MIOS: variants seen among roughly 807,000 people sequenced by gnomAD.
MIOS encodes meiosis regulator for oocyte development.
Under a neutral mutation model 96.9 loss-of-function variants are expected in MIOS, and 52 were observed. That is an observed-to-expected ratio of 0.54 (90% CI 0.43 to 0.68). The LOEUF (loss-of-function observed/expected upper bound fraction) is 0.68. Ranked by LOEUF, MIOS falls within the 30% of genes least tolerant of loss-of-function variation. MIOS has a pLI of 0.00. For missense variants in MIOS, 1,005 were observed against 1,052.8 expected (o/e 0.95, Z 0.63); for synonymous variants, 397 against 359.5 (o/e 1.10, Z -1.18).
intron 3 of MIOS, among the ~76,000 whole-genome samples, chr7:7,570,938 A>G (rs963916468): frequency 6.6e-6 from 1 of 152,192 alleles, no homozygotes; most frequent in African/African-American, 2.4e-5. Context: ...GGTCTAAATT[A>G]TATGAGTCTA....
chr7:7,603,960 G>A (rs186767092), intron 11 of MIOS, among the ~76,000 whole-genome samples: 9 of 151,916 alleles, frequency 5.9e-5, no homozygotes, highest in African/African-American at 2.2e-4. Flanking sequence ...ACTATCGCAA[G>A]GACAAAAATC....
chr7:7,588,474 C>G, intron 7 of MIOS, 24 bp from the exon 8 acceptor site: 1 of 1,535,358 alleles, frequency 6.5e-7, no homozygotes, highest in Non-Finnish European at 8.8e-7. Context: ...AGAAGTAACT[C>G]CTTGCTTTTT....
At chr7:7,575,244 C>T (rs544924545) in intron 5 of MIOS, among the ~76,000 whole-genome samples, 1 of 152,158 alleles carries the variant, frequency 6.6e-6, no homozygotes, top group South Asian at 2.1e-4. Flanking sequence ...CAGTACCATA[C>T]AAACAAAATA....
chr7:7,594,942 A>G (rs763009668), intron 9 of MIOS, 38 bp from the exon 10 acceptor site: 7 of 1,526,200 alleles, frequency 4.6e-6, no homozygotes, highest in South Asian at 1.2e-5. Context: ...TAGCCAGGAG[A>G]TTTTAAACAA....
chr7:7,586,535 C>T (rs1783892338), intron 7 of MIOS, among the ~76,000 whole-genome samples: 1 of 152,302 alleles, frequency 6.6e-6, no homozygotes, highest in Admixed American at 6.5e-5. Flanking sequence ...GAACTTTCTA[C>T]ACTGAAATTC....
intron 5 of MIOS, among the ~76,000 whole-genome samples, chr7:7,580,144 C>G (rs1326473787): frequency 6.6e-6 from 1 of 152,150 alleles, no homozygotes; most frequent in African/African-American, 2.4e-5. Flanking sequence ...CAGCCTCTAC[C>G]TGAAATTAAA....
intron 11 of MIOS, among the ~76,000 whole-genome samples, chr7:7,598,390 T>G (rs1447999638): frequency 6.6e-6 from 1 of 152,240 alleles, no homozygotes; most frequent in African/African-American, 2.4e-5. Context: ...GCTTAGCGAT[T>G]ATTTTTCCAT....
intron 11 of MIOS, among the ~76,000 whole-genome samples, chr7:7,601,262 A>T (rs2115492434): frequency 1.3e-5 from 2 of 152,254 alleles, no homozygotes; most frequent in South Asian, 4.1e-4. Flanking sequence ...CCCTTCAAAA[A>T]ATCAATGAAT....
chr7:7,574,033 C>A, intron 4 of MIOS, 65 bp from the exon 5 acceptor site: 1 of 1,316,206 alleles, frequency 7.6e-7, no homozygotes, highest in Non-Finnish European at 1.1e-6. Flanking sequence ...GGCTCCAAAT[C>A]AAAATAAATT....
chr7:7,605,486 A>T (rs1170982784), intron 11 of MIOS: 1 of 152,548 alleles, frequency 6.6e-6, no homozygotes. Flanking sequence ...ACAGAGACGG[A>T]GTTTCACCAT....
chr7:7,583,482 TTTAA>T, intron 6 of MIOS, 110 bp downstream of exon 6: 1 of 1,211,598 alleles, frequency 8.3e-7, no homozygotes, highest in Non-Finnish European at 1.1e-6. Context: ...CACTTAAAAT[TTTAA>T]TTTAATTTTT....
intron 6 of MIOS, among the ~76,000 whole-genome samples, chr7:7,585,415 C>G (rs866972545): frequency 7.7e-5 from 11 of 142,702 alleles, no homozygotes; most frequent in Admixed American, 4.9e-4. Context: ...CAAACCCCCC[C>G]CTTTTTTTTT....
In MIOS at chr7:7,583,175, A is replaced by G. The variant is rs750665084; in HGVS notation, c.1451A>G (p.Gln484Arg). The change falls in exon 6 of 13, where the codon CAA becomes CGA. Residue 484 changes from glutamine (Q) to arginine (R), a missense_variant. By Grantham distance (43) the Gln-to-Arg change is conservative. Around this residue, in one of 3 missense-constraint regions of MIOS, gnomAD observed 865 missense variants for 887.9 expected, o/e 0.97. Coordinates refer to ENST00000340080, the MANE Select transcript of MIOS (RefSeq NM_019005.4). ...WSGLDKQSDI[Q>R]NLNEERILAL... Reference sequence around the variant, plus strand: ...GGGTTGGATAAGCAAAGTGATATTCAAAATTTAAATGAAGAGAGAATCTTA... The same window carrying G: ...GGGTTGGATAAGCAAAGTGATATTCGAAATTTAAATGAAGAGAGAATCTTA... The G allele has an allele frequency of 1.2e-6, 2 of 1,614,164 alleles. No individual in the cohort carries two copies. Among genetic ancestry groups the G allele is most frequent in the Non-Finnish European group, 1.7e-6 (2 of 1,179,986 alleles).
At chr7:7,594,671 G>C (rs79820944) in intron 9 of MIOS, among the ~76,000 whole-genome samples, 1 of 152,066 alleles carries the variant, frequency 6.6e-6, no homozygotes, top group African/African-American at 2.4e-5. Context: ...AAGGGTATTC[G>C]TATCACTGTT....
rs548606732 is a variant in MIOS, at chr7:7,588,618, A to T, written c.1884+55A>T. On this transcript the variant is annotated intron_variant, in intron 8 of 12. Coordinates refer to ENST00000340080, the MANE Select transcript of MIOS (RefSeq NM_019005.4). ...GTAATTAATATGTACTGTCACAATT[A>T]TGTAAGAAACTAGTCTTTATAATTA... is the stretch of plus-strand genomic sequence containing the variant. The T allele has an allele frequency of 1.1e-5, 13 of 1,170,856 alleles. No individual in the cohort carries two copies. In the South Asian group the frequency reaches 1.4e-4, roughly 13 times the overall value. 72.5% of individuals were successfully genotyped at this position (1,170,856 alleles called of 1,614,324 possible).
chr7:7,591,532 G>A (rs1216138356), intron 9 of MIOS, among the ~76,000 whole-genome samples: 5 of 151,966 alleles, frequency 3.3e-5, no homozygotes, highest in East Asian at 3.9e-4. Flanking sequence ...TGCCCGCCCC[G>A]GCCTCCGAAA....
chr7:7,582,055 A>C, intron 5 of MIOS, among the ~76,000 whole-genome samples: 1 of 152,142 alleles, frequency 6.6e-6, no homozygotes, highest in Non-Finnish European at 1.5e-5. Context: ...GCCGTTTTTA[A>C]CAGTTCTGCC....
intron 5 of MIOS, among the ~76,000 whole-genome samples, chr7:7,578,462 C>T (rs28602361): frequency 0.029 from 4,374 of 152,116 alleles, 207 homozygotes; most frequent in African/African-American, 0.099. Context: ...GAGTTTGAAA[C>T]CAGTCTGGGT....
At chr7:7,601,051 G>C (rs1317838823) in intron 11 of MIOS, among the ~76,000 whole-genome samples, 1 of 117,082 alleles carries the variant, frequency 8.5e-6, no homozygotes, top group African/African-American at 2.9e-5. Flanking sequence ...CAGAATCTCT[G>C]GGACACATTC....
Sources: gnomAD v4.1 joint callset for allele counts (sites outside exome capture counted in the v4.1 genomes callset) on GRCh38, gnomAD v4.1.1 for gene constraint, gnomAD v4.1.1 regional missense constraint, MANE v1.5 for transcripts, NCBI Gene and HGNC (gene_info 2026-07-23, HGNC 2026-07-21) for gene names.